BABAM2: variants seen among roughly 807,000 people sequenced by gnomAD.
BABAM2 encodes the protein BRISC and BRCA1 A complex member 2.
In BABAM2, 31 loss-of-function variants were observed where a neutral mutation model predicts 54.7. That is an observed-to-expected ratio of 0.57 (90% CI 0.43 to 0.77). BABAM2 has a LOEUF of 0.77. BABAM2 is among the 30% of genes least tolerant of loss of function. The pLI, the probability that BABAM2 is intolerant of heterozygous loss-of-function variation, is 0.00. For missense variants in BABAM2, 364 were observed against 455.8 expected (o/e 0.80, Z 1.83); for synonymous variants, 167 against 162.9 (o/e 1.03, Z -0.19).
intron 6 of BABAM2, among the ~76,000 whole-genome samples, chr2:28,109,766 CTTG>C (rs1558344004): frequency 6.6e-6 from 1 of 152,132 alleles, no homozygotes; most frequent in African/African-American, 2.4e-5. Context: ...TGAGAAGTAC[CTTG>C]TTGTACTTTT....
intron 3 of BABAM2, among the ~76,000 whole-genome samples, chr2:27,932,893 GCA>G (rs941168671): frequency 2.0e-5 from 3 of 152,134 alleles, no homozygotes; most frequent in Non-Finnish European, 2.9e-5. Context: ...TCTGTCTCTA[GCA>G]ATTTGCTAAA....
At chr2:28,074,214 T>C (rs893313406) in intron 6 of BABAM2, among the ~76,000 whole-genome samples, 4 of 152,148 alleles carry the variant, frequency 2.6e-5, no homozygotes, top group African/African-American at 9.7e-5. Context: ...TTGTGACAAA[T>C]AGCTATTCTC....
intron 3 of BABAM2, among the ~76,000 whole-genome samples, chr2:27,945,728 A>G (rs185890653): frequency 2.0e-5 from 3 of 151,366 alleles, no homozygotes; most frequent in Non-Finnish European, 4.4e-5. Context: ...CAGTGAATAT[A>G]TCTTAATCCA....
intron 3 of BABAM2, among the ~76,000 whole-genome samples, chr2:27,936,046 G>A (rs1266611741): frequency 6.6e-6 from 1 of 152,120 alleles, no homozygotes; most frequent in Non-Finnish European, 1.5e-5. Context: ...AGCCTCCTAA[G>A]TAGCTGGGAT....
chr2:28,338,338 C>A, intron 11 of BABAM2, 112 bp from the exon 12 acceptor site: 2 of 997,738 alleles, frequency 2.0e-6, no homozygotes, highest in South Asian at 1.4e-5. Context: ...ACCCAAGATG[C>A]ATGAACAATA....
At chr2:27,973,992 CAGAA>C (rs1349699318) in intron 3 of BABAM2, among the ~76,000 whole-genome samples, 1 of 151,952 alleles carries the variant, frequency 6.6e-6, no homozygotes, top group Non-Finnish European at 1.5e-5. Context: ...AAGATTCACT[CAGAA>C]AGAAATAGAT....
chr2:27,904,045 A>C (rs1048034282), intron 2 of BABAM2, among the ~76,000 whole-genome samples: 2 of 152,184 alleles, frequency 1.3e-5, no homozygotes, highest in African/African-American at 4.8e-5. Context: ...TGATCTGATC[A>C]CCAAGACAGC....
chr2:28,319,705 G>A (rs548212680), intron 11 of BABAM2, among the ~76,000 whole-genome samples: 1 of 152,242 alleles, frequency 6.6e-6, no homozygotes, highest in African/African-American at 2.4e-5. Flanking sequence ...TGGTCCTCTG[G>A]CCGCAGACGC....
At chr2:28,271,219 T>G (rs1310700885) in intron 10 of BABAM2, among the ~76,000 whole-genome samples, 2 of 152,186 alleles carry the variant, frequency 1.3e-5, no homozygotes, top group African/African-American at 4.8e-5. Flanking sequence ...GTGTAAGGTC[T>G]TAGGATTTTC....
chr2:28,015,029 A>G (rs1375981493), intron 4 of BABAM2, among the ~76,000 whole-genome samples: 4 of 152,212 alleles, frequency 2.6e-5, no homozygotes, highest in African/African-American at 9.6e-5. Flanking sequence ...GTGGAAGTAA[A>G]TCCCAGAGCT....
At chr2:28,026,950 AT>A (rs1465350755) in intron 5 of BABAM2, among the ~76,000 whole-genome samples, 1 of 3,794 alleles carries the variant, frequency 2.6e-4, no homozygotes, top group Non-Finnish European at 2.3e-3. Context: ...ATATATATTA[AT>A]ATATATAAAT....
chr2:28,233,603 A>T (rs112855198), intron 7 of BABAM2, among the ~76,000 whole-genome samples: 1 of 152,226 alleles, frequency 6.6e-6, no homozygotes, highest in Non-Finnish European at 1.5e-5. Context: ...AGTGTGTGAC[A>T]CTGGATGTAG....
chr2:27,994,811 G>A (rs1322757048), intron 4 of BABAM2, among the ~76,000 whole-genome samples: 1 of 152,152 alleles, frequency 6.6e-6, no homozygotes, highest in Admixed American at 6.5e-5. Context: ...TGATGGCTGT[G>A]TATTGAAGGG....
rs1432062761 is a variant in BABAM2, at chr2:28,283,108, G to A, written c.935-15230G>A. Reference sequence around the variant, plus strand: ...ACAGATGAATCAGTAACCCAAAGTCGTACAGCTATTGTAGTGGCAGTTACT... The same window carrying A: ...ACAGATGAATCAGTAACCCAAAGTCATACAGCTATTGTAGTGGCAGTTACT... On this transcript the variant is annotated intron_variant, in intron 10 of 11. Coordinates refer to ENST00000379624, the MANE Select transcript of BABAM2 (RefSeq NM_199191.3). 4.6e-5 allele frequency among the ~76,000 whole-genome samples: 7 copies of A among 151,648 alleles called. No homozygotes were observed. In the East Asian group the frequency reaches 1.4e-3, roughly 29 times the overall value.
chr2:28,054,152 G>T (rs187943176), intron 6 of BABAM2, among the ~76,000 whole-genome samples: 1 of 152,156 alleles, frequency 6.6e-6, no homozygotes, highest in African/African-American at 2.4e-5. Flanking sequence ...TGATGGAGGG[G>T]AGTGTTTCTT....
chr2:28,308,753 C>T, intron 11 of BABAM2: 1 of 193,744 alleles, frequency 5.2e-6, no homozygotes. Flanking sequence ...AGAGGAAATG[C>T]ATGAGGCAAT....
At chr2:28,214,513 T>C (rs1020756354) in intron 7 of BABAM2, among the ~76,000 whole-genome samples, 5 of 152,148 alleles carry the variant, frequency 3.3e-5, no homozygotes, top group Non-Finnish European at 7.4e-5. Context: ...ATTTTCTTTG[T>C]AGACAATCAT....
At chr2:28,338,191 A>G (rs545228911) in intron 11 of BABAM2, among the ~76,000 whole-genome samples, 15 of 152,338 alleles carry the variant, frequency 9.8e-5, no homozygotes, top group Admixed American at 3.9e-4. Context: ...AAGTGCAGAT[A>G]TCTCATAGGA....
intron 6 of BABAM2, among the ~76,000 whole-genome samples, chr2:28,106,799 A>T (rs1370231256): frequency 6.6e-6 from 1 of 152,100 alleles, no homozygotes; most frequent in Non-Finnish European, 1.5e-5. Context: ...ATTTTTTATC[A>T]AGCTTTCAAT....
Sources: gnomAD v4.1 joint callset for allele counts (sites outside exome capture counted in the v4.1 genomes callset) on GRCh38, gnomAD v4.1.1 for gene constraint, MANE v1.5 for transcripts, NCBI Gene and HGNC (gene_info 2026-07-23, HGNC 2026-07-21) for gene names.